BANP: variants seen among roughly 807,000 people sequenced by gnomAD.
The protein encoded by BANP is BTG3 associated nuclear protein, also known as protein BANP.
A neutral mutation model predicts 68.1 loss-of-function variants in BANP; 11 were observed. The ratio of observed to expected loss-of-function variants is 0.16; its 90% CI spans 0.10 to 0.27. BANP has a LOEUF of 0.27. Among genes scored for constraint, BANP ranks in the 10% least tolerant of loss-of-function variants. The pLI is 1.00. For synonymous variants in BANP, 329 were observed against 303.2 expected (o/e 1.09, Z -0.88); for missense variants, 504 against 722.7 (o/e 0.70, Z 3.47).
rs190430329 is a variant in BANP, at chr16:88,070,652, G to A, written c.1378-1417G>A. 1.2e-3 allele frequency among the ~76,000 whole-genome samples: 188 copies of A among 152,272 alleles called. 1 individual carries two copies. Among genetic ancestry groups the A allele is most frequent in the African/African-American group, 4.0e-3 (165 of 41,554 alleles). On this transcript the variant is annotated intron_variant, in intron 12 of 13. Coordinates refer to ENST00000682872, the MANE Select transcript of BANP (RefSeq NM_001386991.1). ...TGGTCTCATCACAGCTGCTCACCACGGCCCTTGGGTCATGACAGGCCAGCA... is the reference window on the plus strand; with the variant it reads ...TGGTCTCATCACAGCTGCTCACCACAGCCCTTGGGTCATGACAGGCCAGCA...
intron 8 of BANP, among the ~76,000 whole-genome samples, chr16:88,032,145 T>C (rs1817263416): frequency 6.6e-6 from 1 of 151,842 alleles, no homozygotes; most frequent in Non-Finnish European, 1.5e-5. Context: ...TCTTTCATTT[T>C]TCTCCTTTCA....
At chr16:88,024,209 G>C (rs1485894199) in intron 7 of BANP, among the ~76,000 whole-genome samples, 1 of 152,180 alleles carries the variant, frequency 6.6e-6, no homozygotes, top group African/African-American at 2.4e-5. Flanking sequence ...ACCTCTCATG[G>C]GTTCTCAGGA....
In BANP at chr16:88,018,654, C is replaced by T; in HGVS notation, c.882C>T (p.Ile294=). Residue 294 remains isoleucine (I), a synonymous_variant, in exon 7 of 14, where the codon ATC becomes ATT. Coordinates refer to ENST00000682872, the MANE Select transcript of BANP (RefSeq NM_001386991.1). The surrounding 1 kb of genome is among the most constrained non-coding windows in gnomAD (Gnocchi z 7.7). ...AGAAGCAGCTGGACCCGCTCACCAT[C>T]TACGGCATCCGGTGTAAGTCGGGCC... ...HGKKQLDPLT[I]YGIRCHLFYK... The T allele has an allele frequency of 6.4e-7, 1 of 1,562,398 alleles. No individual in the cohort carries two copies. Among genetic ancestry groups the T allele is most frequent in the Non-Finnish European group, 8.7e-7 (1 of 1,153,376 alleles).
intron 6 of BANP, among the ~76,000 whole-genome samples, chr16:88,011,801 A>AC (rs56309870): frequency 6.6e-5 from 10 of 151,246 alleles, no homozygotes; most frequent in African/African-American, 9.7e-5. Context: ...TGTTCAGGGT[A>AC]CCCCCCCTCT....
At chr16:87,984,360 T>C (rs2063867175) in intron 4 of BANP, 101 bp downstream of exon 4, 2 of 1,293,380 alleles carry the variant, frequency 1.5e-6, no homozygotes, top group East Asian at 5.1e-5. Flanking sequence ...TTGCTGGAGA[T>C]GCGCGGTGTC....
chr16:88,063,233 C>G (rs1264249247), intron 11 of BANP, among the ~76,000 whole-genome samples: 2 of 152,250 alleles, frequency 1.3e-5, no homozygotes, highest in African/African-American at 4.8e-5. Context: ...CCCCGGTTCC[C>G]TTATTTCTAG....
chr16:88,071,929 G>C lies in BANP; in HGVS notation c.1378-140G>C. On this transcript the variant is annotated intron_variant, in intron 12 of 13. Transcript: ENST00000682872. This position sits in a 1 kb window ranked among gnomAD's most constrained non-coding sequence, Gnocchi z 6.5. ...AGACAGGATGTGCCGCAGAGTCCTC[G>C]GTGTGGCCCTGAGGCCGTGTCCCTG... 1 of 1,094,376 alleles carries C rather than the reference G, an allele frequency of 9.1e-7. No homozygotes were observed. The highest frequency in any genetic ancestry group is 1.3e-6 in the Non-Finnish European group (1 of 746,828). 67.8% of individuals were successfully genotyped at this position (1,094,376 alleles called of 1,614,324 possible).
chr16:87,983,317 A>G (rs2063651754), intron 3 of BANP, among the ~76,000 whole-genome samples: 1 of 152,116 alleles, frequency 6.6e-6, no homozygotes, highest in Non-Finnish European at 1.5e-5. Flanking sequence ...TCTCTTTTGC[A>G]CAGTGCAATT....
At chr16:88,008,821 G>A (rs757224641) in intron 6 of BANP, among the ~76,000 whole-genome samples, 1 of 152,200 alleles carries the variant, frequency 6.6e-6, no homozygotes, top group Non-Finnish European at 1.5e-5. Flanking sequence ...GTGAACTGCA[G>A]AACTTTTTCT....
chr16:87,994,266 T>C (rs1037174331), intron 4 of BANP, among the ~76,000 whole-genome samples: 1 of 152,206 alleles, frequency 6.6e-6, no homozygotes, highest in African/African-American at 2.4e-5. Flanking sequence ...CTAGTAGTCA[T>C]TTGTGTAGCT....
At chr16:88,032,918 C>T (rs1047569263) in intron 8 of BANP, among the ~76,000 whole-genome samples, 191 bp from the exon 9 acceptor site, 4 of 152,224 alleles carry the variant, frequency 2.6e-5, no homozygotes, top group Non-Finnish European at 5.9e-5. Context: ...ATGTCGGAAG[C>T]CTCAGTTCCT....
At chr16:88,065,402 C>T in intron 12 of BANP, 70 bp downstream of exon 12, 1 of 686,744 alleles carries the variant, frequency 1.5e-6, no homozygotes, top group East Asian at 2.6e-5. Context: ...TTAAAGACCC[C>T]CGCGATGACA....
At chr16:87,975,647 TTG>T (rs950885896) in intron 2 of BANP, among the ~76,000 whole-genome samples, 49 of 151,212 alleles carry the variant, frequency 3.2e-4, no homozygotes, top group African/African-American at 1.0e-3. Context: ...CCTTACCATG[TTG>T]TGTGTGTAAT....
In BANP at chr16:87,984,040, C is replaced by T. The variant is rs769145147; in HGVS notation, c.163-20C>T. On this transcript the variant is annotated intron_variant, in intron 3 of 13. Transcript: ENST00000682872. ...CAGTTCAGGAGACCCTTCCTAAAGC[C>T]GGTCTTTTTTCACTTCCAGTCATTC... 6.2e-5 allele frequency: 100 copies of T among 1,613,220 alleles called. 1 individual carries two copies. Among genetic ancestry groups the T allele is most frequent in the Middle Eastern group, 4.9e-4 (3 of 6,078 alleles).
chr16:88,020,242 C>T (rs1340385709), intron 7 of BANP, among the ~76,000 whole-genome samples: 1 of 152,222 alleles, frequency 6.6e-6, no homozygotes, highest in Non-Finnish European at 1.5e-5. Context: ...GCTCTGAAAG[C>T]AGCCACAGAC....
Position 88,056,028 on chromosome 16 carries a change from T to TG in BANP, c.1312-9233dup, listed in dbSNP as rs1012566041. 4.6e-5 allele frequency among the ~76,000 whole-genome samples: 7 copies of TG among 152,330 alleles called. No individual in the cohort carries two copies. The South Asian group carries it at 8.3e-4, about 18-fold the overall frequency. ...GCCCGCATGCCTCCTGCTGCCTTGC[T>TG]GGGGGGCTCAGGCCCACCTGGACAG... On this transcript the variant is annotated intron_variant, in intron 11 of 13. Transcript: ENST00000682872.
chr16:88,071,955 C>A lies in BANP; in HGVS notation c.1378-114C>A. 7.2e-7 allele frequency: 1 copy of A among 1,398,494 alleles called. No homozygotes were observed. Among genetic ancestry groups the A allele is most frequent in the Non-Finnish European group, 9.8e-7 (1 of 1,025,522 alleles). 86.6% of individuals were successfully genotyped at this position (1,398,494 alleles called of 1,614,324 possible). A position where few individuals can be genotyped will look rare whatever the true frequency, so the allele number is the denominator to read the frequency against. On this transcript the variant is annotated intron_variant, in intron 12 of 13. Coordinates refer to ENST00000682872, the MANE Select transcript of BANP (RefSeq NM_001386991.1). The surrounding 1 kb of genome is among the most constrained non-coding windows in gnomAD (Gnocchi z 6.5). ...GTGTGGCCCTGAGGCCGTGTCCCTG[C>A]CGCTCAGGGGACAGCACGTGTGGGC...
At chr16:88,024,047 G>A (rs77658391) in intron 7 of BANP, among the ~76,000 whole-genome samples, 29,699 of 152,250 alleles carry the variant, frequency 0.2, 4,005 homozygotes, top group East Asian at 0.56. Flanking sequence ...TTCTCCTTGT[G>A]TCCTGGGCGC....
In BANP at chr16:87,957,948, CAG is replaced by C. The variant is rs1050598794; in HGVS notation, c.-69+6436_-69+6437del. On this transcript the variant is annotated intron_variant, in intron 1 of 13. Coordinates refer to ENST00000682872, the MANE Select transcript of BANP (RefSeq NM_001386991.1). The surrounding 1 kb of genome is among the most constrained non-coding windows in gnomAD (Gnocchi z 4.3). Reference sequence around the variant, plus strand: ...TGGGAGCTGGCGGTGGGTCCCTGAGCAGAGTGCTGCCGCTGCCAGTCTGCGTT... The same window carrying C: ...TGGGAGCTGGCGGTGGGTCCCTGAGCAGTGCTGCCGCTGCCAGTCTGCGTT... 1.3e-5 allele frequency among the ~76,000 whole-genome samples: 2 copies of C among 152,154 alleles called. No homozygotes were observed. Among genetic ancestry groups the C allele is most frequent in the African/African-American group, 4.8e-5 (2 of 41,416 alleles).
Sources: gnomAD v4.1 joint callset for allele counts (sites outside exome capture counted in the v4.1 genomes callset) on GRCh38, gnomAD v4.1.1 for gene constraint, Gnocchi (gnomAD v3.1) non-coding constraint, MANE v1.5 for transcripts, NCBI Gene and HGNC (gene_info 2026-07-23, HGNC 2026-07-21) for gene names.